MEMO1: variants seen among roughly 807,000 people sequenced by gnomAD.
MEMO1 encodes protein MEMO1.
In MEMO1, 6 loss-of-function variants were observed where a neutral mutation model predicts 45.2. The ratio of observed to expected loss-of-function variants is 0.13; its 90% CI spans 0.07 to 0.26. MEMO1 has a LOEUF of 0.26. Among genes scored for constraint, MEMO1 ranks in the 10% least tolerant of loss-of-function variants. The probability of loss-of-function intolerance (pLI) is 1.00; values close to 1 mark genes in which losing one functional copy is unlikely to be tolerated. For synonymous variants in MEMO1, 78 were observed against 124.3 expected, an observed-to-expected ratio of 0.63 and a Z score of 2.48; for missense variants, 184 against 370.5, an observed-to-expected ratio of 0.50 and a Z score of 4.13.
At chr2:31,937,900 C>T (rs1278761289) in intron 3 of MEMO1, among the ~76,000 whole-genome samples, 1 of 152,124 alleles carries the variant, frequency 6.6e-6, no homozygotes, top group Non-Finnish European at 1.5e-5. Flanking sequence ...GGGTTGCTGA[C>T]ATATTTCTGC....
intron 6 of MEMO1, among the ~76,000 whole-genome samples, chr2:31,910,945 C>A (rs964342006): frequency 5.3e-5 from 8 of 150,894 alleles, no homozygotes; most frequent in African/African-American, 1.9e-4. Context: ...ACAATATAAA[C>A]ATATATATGT....
chr2:31,969,590 T>G (rs372784654), intron 2 of MEMO1, among the ~76,000 whole-genome samples: 3,187 of 42,560 alleles, frequency 0.075, 41 homozygotes, highest in Middle Eastern at 0.17. Context: ...TGTGTGGGTG[T>G]GTGTGTGTGT....
chr2:31,910,447 G>A (rs1180337923), intron 6 of MEMO1, among the ~76,000 whole-genome samples: 1 of 152,062 alleles, frequency 6.6e-6, no homozygotes, highest in African/African-American at 2.4e-5. Context: ...CAATGTATTT[G>A]GTGATTATAG....
Position 31,995,407 on chromosome 2 carries a change from T to C in MEMO1, c.61+14780A>G, listed in dbSNP as rs1484782120. 5.9e-5 allele frequency among the ~76,000 whole-genome samples: 9 copies of C among 151,978 alleles called. No homozygotes were observed. In the East Asian group the frequency reaches 1.4e-3, roughly 23 times the overall value. On this transcript the variant is annotated intron_variant, in intron 2 of 9. Coordinates refer to ENST00000404530, the MANE Select transcript of MEMO1 (RefSeq NM_001301833.4). ...AGGTGGAGGTTGCAGTGAGCCAAGATTGCACCACTGCACTCCAGCCTGGGC... is the reference window on the plus strand; with the variant it reads ...AGGTGGAGGTTGCAGTGAGCCAAGACTGCACCACTGCACTCCAGCCTGGGC...
chr2:31,994,706 G>C (rs1410138596), intron 2 of MEMO1, among the ~76,000 whole-genome samples: 1 of 152,042 alleles, frequency 6.6e-6, no homozygotes, highest in Non-Finnish European at 1.5e-5. Flanking sequence ...CCCAGCCTTT[G>C]GGAGGCCAAG....
intron 2 of MEMO1, among the ~76,000 whole-genome samples, chr2:31,989,170 G>A (rs1317135152): frequency 2.0e-5 from 3 of 151,584 alleles, no homozygotes; most frequent in Non-Finnish European, 4.4e-5. Flanking sequence ...AAAGGCTGCG[G>A]TGAGCCAAGA....
At position 31,925,475 on chromosome 2, in the gene MEMO1, C is replaced by CAAAAAA. The variant is rs70964741; in HGVS notation, c.213-4571_213-4566dup. Among the ~76,000 whole-genome samples the CAAAAAA allele has an allele frequency of 8.3e-3, 659 of 79,110 alleles. 76 individuals carry two copies. The highest frequency in any genetic ancestry group is 0.023 in the Middle Eastern group (3 of 132). 51.9% of individuals were successfully genotyped at this position (79,110 alleles called of 152,430 possible). A position where few individuals can be genotyped will look rare whatever the true frequency, so the allele number is the denominator to read the frequency against. Reference sequence around the variant, plus strand: ...TGGGGGACAGAGCAAGACTCCGTCTCAAAAAAAAAAAAAAAAAAAAAAAAT... The same window carrying CAAAAAA: ...TGGGGGACAGAGCAAGACTCCGTCTCAAAAAAAAAAAAAAAAAAAAAAAAAAAAAAT... On this transcript the variant is annotated intron_variant, in intron 4 of 9. Transcript: ENST00000404530.
At chr2:31,982,320 G>A (rs530586522) in intron 2 of MEMO1, among the ~76,000 whole-genome samples, 228 of 151,098 alleles carry the variant, frequency 1.5e-3, no homozygotes, top group African/African-American at 5.0e-3. Context: ...GGCCAGACGC[G>A]GTGGCTCATG....
At chr2:31,994,978 AAGGGAGGAAGGGAGGGAGGGAGAG>A (rs1285405287) in intron 2 of MEMO1, among the ~76,000 whole-genome samples, 2 of 141,242 alleles carry the variant, frequency 1.4e-5, no homozygotes, top group African/African-American at 2.6e-5. Flanking sequence ...GGGAGAGAGG[AAGGGAGGAAGGGAGGGAGGGAGAG>A]AGGGAGGGAG....
At position 31,917,952 on chromosome 2, in the gene MEMO1, C is replaced by T. The variant is rs757127854; in HGVS notation, c.411G>A (p.Leu137=). The T allele has an allele frequency of 6.2e-7, 1 of 1,609,948 alleles. No homozygotes were observed. The highest frequency in any genetic ancestry group is 8.5e-7 in the Non-Finnish European group (1 of 1,178,682). ...DEDEHSIEMH[L]PYTAKAMESH... is the part of the protein sequence containing the mutation. Reference sequence around the variant, plus strand: ...TTTCCATGGCTTTAGCTGTATAAGGCAAATGCATTTCAATACTGTGTTCAT... The same window carrying T: ...TTTCCATGGCTTTAGCTGTATAAGGTAAATGCATTTCAATACTGTGTTCAT... Residue 137 remains leucine (L), a synonymous_variant, in exon 6 of 10, where the codon TTG becomes TTA. Transcript: ENST00000404530.
chr2:31,913,894 C>T (rs563787337), intron 6 of MEMO1, among the ~76,000 whole-genome samples: 1 of 152,168 alleles, frequency 6.6e-6, no homozygotes, highest in Non-Finnish European at 1.5e-5. Context: ...GTTCCCTCTC[C>T]TTGAATTTAG....
At chr2:31,949,585 C>T (rs115041447) in intron 2 of MEMO1, among the ~76,000 whole-genome samples, 4,660 of 131,472 alleles carry the variant, frequency 0.035, 129 homozygotes, top group East Asian at 0.11. Flanking sequence ...GGATGGTTAC[C>T]AGAGGCTGGG....
intron 2 of MEMO1, among the ~76,000 whole-genome samples, chr2:31,973,938 C>T (rs568390090): frequency 1.8e-4 from 27 of 152,080 alleles, no homozygotes; most frequent in African/African-American, 6.0e-4. Flanking sequence ...GAAATACACA[C>T]ATTATAATTG....
At chr2:31,958,041 C>T (rs1213959102) in intron 2 of MEMO1, among the ~76,000 whole-genome samples, 1 of 152,142 alleles carries the variant, frequency 6.6e-6, no homozygotes, top group African/African-American at 2.4e-5. Context: ...AACATGTCTA[C>T]TGTGGACTGA....
At chr2:31,981,033 A>G (rs1353152016) in intron 2 of MEMO1, among the ~76,000 whole-genome samples, 1 of 152,248 alleles carries the variant, frequency 6.6e-6, no homozygotes, top group Non-Finnish European at 1.5e-5. Flanking sequence ...TAAATAGTCA[A>G]TCGTACACCA....
At chr2:31,943,789 G>T (rs1665892088) in intron 2 of MEMO1, among the ~76,000 whole-genome samples, 1 of 152,094 alleles carries the variant, frequency 6.6e-6, no homozygotes, top group Non-Finnish European at 1.5e-5. Context: ...TCCACAGAAG[G>T]TAATCACTTC....
chr2:31,930,663 T>C (rs919899371), intron 4 of MEMO1, among the ~76,000 whole-genome samples: 1 of 151,988 alleles, frequency 6.6e-6, no homozygotes, highest in Non-Finnish European at 1.5e-5. Context: ...TATATTTTTT[T>C]TGAAACGCAG....
chr2:31,950,923 T>G (rs1666776882), intron 2 of MEMO1, among the ~76,000 whole-genome samples: 1 of 152,210 alleles, frequency 6.6e-6, no homozygotes, highest in Non-Finnish European at 1.5e-5. Flanking sequence ...GCAATCCTTG[T>G]TTTTCCATAG....
intron 2 of MEMO1, among the ~76,000 whole-genome samples, chr2:31,959,438 TGAG>T (rs1667755440): frequency 1.3e-5 from 2 of 151,330 alleles, no homozygotes; most frequent in Admixed American, 1.3e-4. Flanking sequence ...AGCAAAGAGA[TGAG>T]ATCTTTCATG....
Sources: allele counts gnomAD v4.1 joint callset (sites outside exome capture counted in the v4.1 genomes callset), GRCh38; gene constraint gnomAD v4.1.1; transcripts MANE v1.5; gene names NCBI Gene and HGNC (gene_info 2026-07-23, HGNC 2026-07-21).